The following HSD17B12 variants were observed in gnomAD, a reference collection of about 807,000 sequenced individuals.
The protein encoded by HSD17B12 is hydroxysteroid 17-beta dehydrogenase 12, also known as very-long-chain 3-oxoacyl-CoA reductase.
HSD17B12 carries 32 observed loss-of-function variants against 39.3 expected under a neutral mutation model. The ratio of observed to expected loss-of-function variants is 0.81; its 90% CI spans 0.61 to 1.09. HSD17B12 has a LOEUF of 1.09. Ranked by LOEUF, HSD17B12 falls within the 50% of genes least tolerant of loss-of-function variation. HSD17B12 has a pLI of 0.00. For synonymous variants in HSD17B12, 150 were observed against 146.7 expected, an observed-to-expected ratio of 1.02 and a Z score of -0.16; for missense variants, 342 against 382.9, an observed-to-expected ratio of 0.89 and a Z score of 0.89.
At chr11:43,849,859 TC>T (rs1244232430) in intron 9 of HSD17B12, among the ~76,000 whole-genome samples, 3 of 152,262 alleles carry the variant, frequency 2.0e-5, no homozygotes, top group Non-Finnish European at 4.4e-5. Flanking sequence ...AAAACATTGT[TC>T]TAGTAGGTGC....
At chr11:43,720,037 T>C (rs772518965) in intron 1 of HSD17B12, among the ~76,000 whole-genome samples, 25 of 152,132 alleles carry the variant, frequency 1.6e-4, no homozygotes, top group Non-Finnish European at 2.6e-4. Context: ...GAAGAAAAGG[T>C]CATTAAGATT....
chr11:43,762,524 C>T (rs914774559), intron 3 of HSD17B12, among the ~76,000 whole-genome samples: 19 of 152,240 alleles, frequency 1.2e-4, no homozygotes, highest in East Asian at 1.9e-4. Flanking sequence ...AGTTTATGGC[C>T]GGGGCCCTTA....
intron 9 of HSD17B12, among the ~76,000 whole-genome samples, chr11:43,849,550 G>T (rs1364005653): frequency 6.6e-6 from 1 of 152,040 alleles, no homozygotes; most frequent in African/African-American, 2.4e-5. Flanking sequence ...AGTCTCAAAG[G>T]CTCTTCACCC....
intron 3 of HSD17B12, among the ~76,000 whole-genome samples, chr11:43,775,286 A>G (rs1020295277): frequency 1.4e-5 from 2 of 141,672 alleles, no homozygotes; most frequent in African/African-American, 6.2e-5. Context: ...GAGATAATAC[A>G]TATATATTGT....
intron 1 of HSD17B12, among the ~76,000 whole-genome samples, chr11:43,728,238 G>A (rs777499401): frequency 6.6e-6 from 1 of 151,866 alleles, no homozygotes; most frequent in Non-Finnish European, 1.5e-5. Context: ...GCTAATTTTT[G>A]TATTTTTAGT....
At chr11:43,726,615 GTTGT>G (rs1349424926) in intron 1 of HSD17B12, among the ~76,000 whole-genome samples, 1 of 152,132 alleles carries the variant, frequency 6.6e-6, no homozygotes, top group African/African-American at 2.4e-5. Context: ...AGTGTCTTTT[GTTGT>G]TTGTTTCTTC....
At chr11:43,564,298 C>A in the HSD17B12 span, among the ~76,000 whole-genome samples, 1 of 152,214 alleles carries the variant, frequency 6.6e-6, no homozygotes, top group Non-Finnish European at 1.5e-5. Flanking sequence ...ATCCTAGCCT[C>A]AGGTCTGGGG....
At chr11:43,815,282 T>C (rs150151732) in intron 4 of HSD17B12, among the ~76,000 whole-genome samples, 155 bp from the exon 5 acceptor site, 3,366 of 152,290 alleles carry the variant, frequency 0.022, 54 homozygotes, top group Non-Finnish European at 0.034. Context: ...GGATAGATTT[T>C]GGACAGAAAG....
At chr11:43,672,668 G>A in the HSD17B12 span, among the ~76,000 whole-genome samples, 1 of 152,050 alleles carries the variant, frequency 6.6e-6, no homozygotes, top group Non-Finnish European at 1.5e-5. Flanking sequence ...AGTCCCCTGA[G>A]TAGCTGGGAT....
chr11:43,798,449 ATAGGTT>A, intron 4 of HSD17B12, 22 bp downstream of exon 4: 2 of 1,417,390 alleles, frequency 1.4e-6, no homozygotes, highest in Non-Finnish European at 2.0e-6. Flanking sequence ...TGCCACATTT[ATAGGTT>A]CTTCTTGTAT....
chr11:43,681,196 C>T (rs1949741147), intron 1 of HSD17B12: 6 of 1,326,090 alleles, frequency 4.5e-6, no homozygotes, highest in Non-Finnish European at 5.8e-6. Context: ...ACGAAATACA[C>T]TGCTCGCTCA....
At chr11:43,599,289 A>G in the HSD17B12 span, among the ~76,000 whole-genome samples, 1 of 152,324 alleles carries the variant, frequency 6.6e-6, no homozygotes, top group African/African-American at 2.4e-5. Flanking sequence ...CCTGGAGTGA[A>G]CATTAGCTCA....
the HSD17B12 span, among the ~76,000 whole-genome samples, chr11:43,585,740 T>C: frequency 6.6e-6 from 1 of 152,166 alleles, no homozygotes; most frequent in Non-Finnish European, 1.5e-5. Flanking sequence ...CTTTGGGCAA[T>C]AGGGTTGTTG....
the HSD17B12 span, chr11:43,569,265 C>A: frequency 6.6e-6 from 1 of 152,206 alleles, no homozygotes; most frequent in East Asian, 1.9e-4. Flanking sequence ...GTTGCCCCTT[C>A]CCCTAAAAAC....
chr11:43,731,166 T>C (rs1447266307), intron 1 of HSD17B12, among the ~76,000 whole-genome samples: 1 of 152,050 alleles, frequency 6.6e-6, no homozygotes. Context: ...CCAGCTGATA[T>C]TTGTATTTTT....
intron 1 of HSD17B12, among the ~76,000 whole-genome samples, chr11:43,693,317 T>C (rs979574478): frequency 1.3e-5 from 2 of 152,162 alleles, no homozygotes; most frequent in African/African-American, 4.8e-5. Flanking sequence ...GGTGATTTAG[T>C]GATAGTGATG....
intron 1 of HSD17B12, among the ~76,000 whole-genome samples, chr11:43,703,569 C>CT (rs1949987212): frequency 6.6e-6 from 1 of 152,070 alleles, no homozygotes; most frequent in African/African-American, 2.4e-5. Context: ...TAGTGGGAGA[C>CT]TTTTTATTAC....
intron 1 of HSD17B12, among the ~76,000 whole-genome samples, chr11:43,689,046 C>G (rs1249004783): frequency 6.6e-6 from 1 of 152,154 alleles, no homozygotes; most frequent in Admixed American, 6.5e-5. Flanking sequence ...AAATTATGAA[C>G]AGACCAATTA....
the HSD17B12 span, among the ~76,000 whole-genome samples, chr11:43,594,764 G>C: frequency 6.6e-6 from 1 of 151,798 alleles, no homozygotes; most frequent in Non-Finnish European, 1.5e-5. Flanking sequence ...TTTTCTTTCT[G>C]GATGTTTTCT....
Sources: allele counts gnomAD v4.1 joint callset (sites outside exome capture counted in the v4.1 genomes callset), GRCh38; gene constraint gnomAD v4.1.1; transcripts MANE v1.5; gene names NCBI Gene and HGNC (gene_info 2026-07-23, HGNC 2026-07-21).